RXFP1: variants seen among roughly 807,000 people sequenced by gnomAD.
RXFP1 encodes the protein relaxin receptor 1.
RXFP1 carries 73 observed loss-of-function variants against 89.8 expected under a neutral mutation model. The observed-to-expected ratio is 0.81, with a 90% confidence interval of 0.67 to 0.99. The LOEUF is 0.99. RXFP1 is among the 50% of genes least tolerant of loss of function. RXFP1 has a pLI of 0.00. For missense variants in RXFP1, 793 were observed against 895.5 expected, an observed-to-expected ratio of 0.89 and a Z score of 1.46; for synonymous variants, 277 against 305.5, an observed-to-expected ratio of 0.91 and a Z score of 0.97.
intron 2 of RXFP1, 43 bp from the exon 3 acceptor site, chr4:158,593,358 T>C (rs1346934576): frequency 9.7e-6 from 12 of 1,243,232 alleles, no homozygotes; most frequent in Non-Finnish European, 1.4e-5. Flanking sequence ...TACCAGAATA[T>C]CTCTGTTCCT....
At chr4:158,577,463 T>C (rs1756493126) in intron 2 of RXFP1, among the ~76,000 whole-genome samples, 1 of 152,200 alleles carries the variant, frequency 6.6e-6, no homozygotes, top group Non-Finnish European at 1.5e-5. Flanking sequence ...AAATACAATA[T>C]CTTAACATAC....
rs1180058366 is a variant in RXFP1 at position 158,571,377 on chromosome 4, G to A, written c.50-1321G>A. ...TAAGAAATTATTTTAGGCAGTTAGGGTAAAAGAGGCTGGGCGCGGTGGCTC... is the reference window on the plus strand; with the variant it reads ...TAAGAAATTATTTTAGGCAGTTAGGATAAAAGAGGCTGGGCGCGGTGGCTC... On this transcript the variant is annotated intron_variant, in intron 1 of 17. Coordinates refer to ENST00000307765, the MANE Select transcript of RXFP1 (RefSeq NM_021634.4). Among the ~76,000 whole-genome samples the A allele has an allele frequency of 2.0e-5, 3 of 152,132 alleles. No homozygotes were observed. The South Asian group carries it at 6.2e-4, about 32-fold the overall frequency.
At position 158,652,211 on chromosome 4, in the gene RXFP1, T is replaced by C. The variant is rs1772875672; in HGVS notation, c.*156T>C. On this transcript the variant is annotated 3_prime_UTR_variant, in exon 18 of 18. Transcript: ENST00000307765. Reference sequence around the variant, plus strand: ...GGAAAAATAAAAATGACTAATGCTCTTACAAAGGGAAGTAATTATATCAAT... The same window carrying C: ...GGAAAAATAAAAATGACTAATGCTCCTACAAAGGGAAGTAATTATATCAAT... 1.7e-6 allele frequency: 1 copy of C among 589,558 alleles called. No individual in the cohort carries two copies. Among genetic ancestry groups the C allele is most frequent in the East Asian group, 2.9e-5 (1 of 34,424 alleles). 36.5% of individuals were successfully genotyped at this position (589,558 alleles called of 1,614,324 possible). A position where few individuals can be genotyped will look rare whatever the true frequency, so the allele number is the denominator to read the frequency against.
At chr4:158,567,872 G>A (rs1287548369) in intron 1 of RXFP1, among the ~76,000 whole-genome samples, 1 of 152,214 alleles carries the variant, frequency 6.6e-6, no homozygotes, top group African/African-American at 2.4e-5. Context: ...GCCCAAGTCA[G>A]CAGTGGCAAC....
intron 8 of RXFP1, among the ~76,000 whole-genome samples, chr4:158,616,544 G>T (rs1764603110): frequency 7.4e-6 from 1 of 135,082 alleles, no homozygotes. Flanking sequence ...TTGTTGACGG[G>T]TTTAGGCTAT....
At chr4:158,523,920 T>C (rs776179407) in intron 1 of RXFP1, among the ~76,000 whole-genome samples, 38 of 152,234 alleles carry the variant, frequency 2.5e-4, no homozygotes, top group Non-Finnish European at 7.3e-5. Context: ...GTTTTGTTTT[T>C]ATATCCACTT....
At chr4:158,543,154 C>T (rs1301096023) in intron 1 of RXFP1, among the ~76,000 whole-genome samples, 2 of 152,242 alleles carry the variant, frequency 1.3e-5, no homozygotes, top group Non-Finnish European at 2.9e-5. Context: ...GAAGTAAGTG[C>T]TTGCTGGCAT....
intron 4 of RXFP1, among the ~76,000 whole-genome samples, chr4:158,600,285 A>G (rs1561099742): frequency 6.6e-6 from 1 of 152,184 alleles, no homozygotes; most frequent in Non-Finnish European, 1.5e-5. Flanking sequence ...TAATACAGCA[A>G]TTGAAATACT....
At chr4:158,629,611 T>TC (rs1394207205) in intron 11 of RXFP1, among the ~76,000 whole-genome samples, 1 of 151,668 alleles carries the variant, frequency 6.6e-6, no homozygotes, top group Non-Finnish European at 1.5e-5. Context: ...AGTGTCAATT[T>TC]TTTTCTTTTC....
At chr4:158,627,878 A>C (rs1561162825) in intron 10 of RXFP1, among the ~76,000 whole-genome samples, 1 of 152,178 alleles carries the variant, frequency 6.6e-6, no homozygotes, top group Non-Finnish European at 1.5e-5. Context: ...TTTCTTTTCT[A>C]TTGTACTTGT....
chr4:158,617,558 G>A (rs1188058714), intron 9 of RXFP1, among the ~76,000 whole-genome samples: 1 of 151,912 alleles, frequency 6.6e-6, no homozygotes, highest in East Asian at 1.9e-4. Context: ...AGACTAAGTT[G>A]TTTTAATTTC....
intron 3 of RXFP1, among the ~76,000 whole-genome samples, chr4:158,596,318 C>T (rs1437865257): frequency 6.8e-6 from 1 of 145,998 alleles, no homozygotes; most frequent in African/African-American, 2.5e-5. Flanking sequence ...GACTGGAGTG[C>T]AATGGCGCAA....
chr4:158,634,491 A>G (rs1308540802), intron 12 of RXFP1, among the ~76,000 whole-genome samples: 1 of 152,090 alleles, frequency 6.6e-6, no homozygotes, highest in Non-Finnish European at 1.5e-5. Context: ...TCACTCTATT[A>G]TGGTGTCCTT....
Position 158,639,342 on chromosome 4 carries a change from A to G in RXFP1, c.1115+11A>G. 2 of 1,394,088 alleles carry G rather than the reference A, an allele frequency of 1.4e-6. No homozygotes were observed. The highest frequency in any genetic ancestry group is 2.0e-6 in the Non-Finnish European group (2 of 982,232). 86.4% of individuals were successfully genotyped at this position (1,394,088 alleles called of 1,614,324 possible). A position where few individuals can be genotyped will look rare whatever the true frequency, so the allele number is the denominator to read the frequency against. On this transcript the variant is annotated intron_variant, in intron 14 of 17. Coordinates refer to ENST00000307765, the MANE Select transcript of RXFP1 (RefSeq NM_021634.4). ...GAATCTCTCTCACATGTAAGTAGAT[A>G]TTTTATTGTTTTTCACTGTGATGTT...
intron 1 of RXFP1, among the ~76,000 whole-genome samples, chr4:158,538,415 G>A (rs1029320041): frequency 6.6e-6 from 1 of 152,212 alleles, no homozygotes; most frequent in East Asian, 1.9e-4. Context: ...AGGATTGCAA[G>A]TGGGAGGTGA....
chr4:158,630,856 G>C (rs1045576635), intron 11 of RXFP1, among the ~76,000 whole-genome samples: 1 of 152,168 alleles, frequency 6.6e-6, no homozygotes, highest in Non-Finnish European at 1.5e-5. Flanking sequence ...TGCCCCTCCA[G>C]GCTCCATCAC....
intron 14 of RXFP1, among the ~76,000 whole-genome samples, chr4:158,641,380 A>G (rs1561191871): frequency 6.6e-6 from 1 of 151,980 alleles, no homozygotes; most frequent in Non-Finnish European, 1.5e-5. Context: ...TCCCACCATA[A>G]CTTCTCAAAA....
chr4:158,558,504 G>A (rs1013229725), intron 1 of RXFP1, among the ~76,000 whole-genome samples: 6 of 152,116 alleles, frequency 3.9e-5, no homozygotes, highest in Admixed American at 3.9e-4. Flanking sequence ...ATATATGTTT[G>A]GGAAAACCAT....
intron 3 of RXFP1, chr4:158,599,116 C>T: frequency 1.6e-6 from 1 of 629,880 alleles, no homozygotes; most frequent in South Asian, 2.7e-5. Flanking sequence ...TGTGTGTTTC[C>T]AAATGTTGAT....
Sources: allele counts gnomAD v4.1 joint callset (sites outside exome capture counted in the v4.1 genomes callset), GRCh38; gene constraint gnomAD v4.1.1; transcripts MANE v1.5; gene names NCBI Gene and HGNC (gene_info 2026-07-23, HGNC 2026-07-21).